Variants in DIP2A observed in about 807,000 individuals in gnomAD.
DIP2A encodes DIP2 acetate--CoA ligase A, also known as disco-interacting protein 2 homolog A.
Under a neutral mutation model 177.4 loss-of-function variants are expected in DIP2A, and 85 were observed. The observed-to-expected ratio is 0.48, with a 90% CI of 0.40 to 0.57. The LOEUF (loss-of-function observed/expected upper bound fraction) is 0.57. DIP2A is among the 20% of genes least tolerant of loss of function. The pLI, the probability that DIP2A is intolerant of heterozygous loss-of-function variation, is 0.00. For missense variants in DIP2A, 1,791 were observed against 2,100.2 expected, an observed-to-expected ratio of 0.85 and a Z score of 2.88; for synonymous variants, 886 against 881.8, an observed-to-expected ratio of 1.00 and a Z score of -0.08.
At chr21:46,470,103 C>T (rs1282071383) in intron 1 of DIP2A, among the ~76,000 whole-genome samples, 1 of 151,986 alleles carries the variant, frequency 6.6e-6, no homozygotes, top group Non-Finnish European at 1.5e-5. Flanking sequence ...TTTGGGAGGC[C>T]AAGGCAGGCG....
rs777519781 is a variant in DIP2A, at chr21:46,551,625, C to T, written c.2840-9C>T. On this transcript the variant is annotated splice_polypyrimidine_tract_variant and intron_variant, in intron 23 of 37. Transcript: ENST00000417564. ...ACCAGCTTTTCATTCAGAGTTCCCC[C>T]GTTTCTAGAGGTTGGACCAGCCTCA... 9.9e-6 allele frequency: 16 copies of T among 1,611,868 alleles called. No individual in the cohort carries two copies. In the South Asian group the frequency reaches 1.2e-4, roughly 12 times the overall value.
At chr21:46,510,879 C>T (rs560543309) in intron 7 of DIP2A, among the ~76,000 whole-genome samples, 3 of 152,242 alleles carry the variant, frequency 2.0e-5, no homozygotes, top group South Asian at 2.1e-4. Context: ...ATGATCCACC[C>T]GCCTCGGCCT....
intron 33 of DIP2A, chr21:46,561,158 A>G: frequency 5.8e-6 from 3 of 513,002 alleles, no homozygotes; most frequent in Non-Finnish European, 8.4e-6. Flanking sequence ...AAGACAAGTA[A>G]CCCATCTACT....
At chr21:46,543,157 A>G (rs1011841192) in intron 18 of DIP2A, among the ~76,000 whole-genome samples, 5 of 151,440 alleles carry the variant, frequency 3.3e-5, no homozygotes, top group African/African-American at 1.2e-4. Flanking sequence ...AACCTGTCGT[A>G]AAATAATTCT....
the DIP2A span, among the ~76,000 whole-genome samples, chr21:46,583,672 A>G: frequency 6.6e-6 from 1 of 152,164 alleles, no homozygotes; most frequent in Non-Finnish European, 1.5e-5. Flanking sequence ...GGTTAATGCC[A>G]TTATCACAGA....
At chr21:46,572,705 G>T (rs975131197), downstream of DIP2A, among the ~76,000 whole-genome samples, 1 of 152,166 alleles carries the variant, frequency 6.6e-6, no homozygotes, top group Non-Finnish European at 1.5e-5. Context: ...GGACTTCTCA[G>T]CTGCTATAAT....
rs372817638 is a variant in DIP2A at position 46,459,243 on chromosome 21, A to T, written c.91+21A>T. 260 of 1,496,680 alleles carry T rather than the reference A, an allele frequency of 1.7e-4. 1 individual carries two copies. In the East Asian group the frequency reaches 5.7e-3, roughly 33 times the overall value. 92.7% of individuals were successfully genotyped at this position (1,496,680 alleles called of 1,614,324 possible). ...GGAAGGTGAGCCGGACCCCGCCCTC[A>T]ACCCCCGCGACCCGCCCTCAGCCCG... On this transcript the variant is annotated intron_variant, in intron 1 of 37. Coordinates refer to ENST00000417564, the MANE Select transcript of DIP2A (RefSeq NM_015151.4).
intron 32 of DIP2A, among the ~76,000 whole-genome samples, chr21:46,560,087 G>A (rs950151548): frequency 6.6e-6 from 1 of 152,238 alleles, no homozygotes; most frequent in African/African-American, 2.4e-5. Flanking sequence ...GGGAGGAAGG[G>A]CTGTGTTTAG....
intron 26 of DIP2A, 75 bp from the exon 27 acceptor site, chr21:46,554,500 C>T (rs993260247): frequency 1.8e-5 from 28 of 1,577,710 alleles, no homozygotes; most frequent in Non-Finnish European, 2.0e-5. Flanking sequence ...CCTCCTCTCT[C>T]GCAGGAACAG....
rs1042276111 is a variant in DIP2A, at chr21:46,506,700, AT to A, written c.784+2222del. ...AAGTATCTGTTCATACTTTTGGCCTATTTTTTTTTTTAATTGTGCTTGTTTT... is the reference window on the plus strand; with the variant it reads ...AAGTATCTGTTCATACTTTTGGCCTATTTTTTTTTTAATTGTGCTTGTTTT... On this transcript the variant is annotated intron_variant, in intron 6 of 37. Coordinates refer to ENST00000417564, the MANE Select transcript of DIP2A (RefSeq NM_015151.4). Among the ~76,000 whole-genome samples the A allele has an allele frequency of 3.7e-3, 298 of 81,030 alleles. 4 individuals are homozygous for A. Among genetic ancestry groups the A allele is most frequent in the African/African-American group, 0.011 (210 of 19,890 alleles). 53.2% of individuals were successfully genotyped at this position (81,030 alleles called of 152,430 possible). A position where few individuals can be genotyped will look rare whatever the true frequency, so the allele number is the denominator to read the frequency against.
At chr21:46,575,324 C>T in the DIP2A span, among the ~76,000 whole-genome samples, 9 of 152,092 alleles carry the variant, frequency 5.9e-5, no homozygotes, top group African/African-American at 2.2e-4. Flanking sequence ...ACATCATACT[C>T]AGTAGTGAAA....
chr21:46,469,673 G>A (rs1555866402), intron 1 of DIP2A, among the ~76,000 whole-genome samples: 1 of 152,208 alleles, frequency 6.6e-6, no homozygotes, highest in Non-Finnish European at 1.5e-5. Flanking sequence ...GAGTCCTGAT[G>A]AGAACTTTGT....
chr21:46,510,871 G>A (rs1276863393), intron 7 of DIP2A, among the ~76,000 whole-genome samples: 2 of 152,060 alleles, frequency 1.3e-5, no homozygotes, highest in Non-Finnish European at 2.9e-5. Context: ...CTGACCTCAT[G>A]ATCCACCCGC....
In DIP2A at chr21:46,556,081, C is replaced by T. The variant is rs200337182; in HGVS notation, c.3488C>T (p.Ala1163Val). ...AGCGTGTCAACCACTGGGATATTAGCGGGAGTGAAGGTAGGTCCTCTGAAA... is the reference window on the plus strand; with the variant it reads ...AGCGTGTCAACCACTGGGATATTAGTGGGAGTGAAGGTAGGTCCTCTGAAA... ...DFSVSTTGILAGVKMSHAATS... is the reference protein window; with the variant it reads ...DFSVSTTGILVGVKMSHAATS... Residue 1163 changes from alanine to valine, a missense_variant, in exon 29 of 38, where the codon GCG becomes GTG. By Grantham distance (64) the Ala-to-Val change is moderately conservative. Transcript: ENST00000417564. This position sits in a 1 kb window ranked among gnomAD's most constrained non-coding sequence, Gnocchi z 4.5. The T allele has an allele frequency of 1.1e-5, 18 of 1,613,470 alleles. No individual in the cohort carries two copies. In the African/African-American group the frequency reaches 2.0e-4, roughly 18 times the overall value.
At chr21:46,478,070 C>G (rs891099067) in intron 1 of DIP2A, among the ~76,000 whole-genome samples, 1 of 152,162 alleles carries the variant, frequency 6.6e-6, no homozygotes, top group Non-Finnish European at 1.5e-5. Context: ...TTAGCACCTG[C>G]TCCATTCTGT....
intron 8 of DIP2A, among the ~76,000 whole-genome samples, chr21:46,519,540 A>T (rs897846216): frequency 6.6e-6 from 1 of 152,136 alleles, no homozygotes; most frequent in Non-Finnish European, 1.5e-5. Context: ...CCTAACTATT[A>T]GGGTCTTTTA....
chr21:46,490,518 T>C lies in DIP2A; in HGVS notation c.164-82T>C. 4 of 1,446,250 alleles carry C rather than the reference T, an allele frequency of 2.8e-6. No individual in the cohort carries two copies. In the South Asian group the frequency reaches 4.2e-5, roughly 15 times the overall value. 89.6% of individuals were successfully genotyped at this position (1,446,250 alleles called of 1,614,324 possible). ...TAGAGGGTATGCAACAGATGAGAAATGTAAGCTGTTTTCAATGGACTTTTT... is the reference window on the plus strand; with the variant it reads ...TAGAGGGTATGCAACAGATGAGAAACGTAAGCTGTTTTCAATGGACTTTTT... On this transcript the variant is annotated intron_variant, in intron 2 of 37. Transcript: ENST00000417564.
At chr21:46,540,393 C>A (rs1262419195) in intron 17 of DIP2A, among the ~76,000 whole-genome samples, 1 of 152,136 alleles carries the variant, frequency 6.6e-6, no homozygotes, top group Non-Finnish European at 1.5e-5. Flanking sequence ...CCCGGCCACC[C>A]ACCTCCCGGG....
At chr21:46,459,335 A>G in intron 1 of DIP2A, 113 bp downstream of exon 1, 3 of 672,992 alleles carry the variant, frequency 4.5e-6, no homozygotes, top group Non-Finnish European at 6.1e-6. Flanking sequence ...CCCGCCCTTC[A>G]CCCCCGGGAC....
Sources: gnomAD v4.1 joint callset for allele counts (sites outside exome capture counted in the v4.1 genomes callset) on GRCh38, gnomAD v4.1.1 for gene constraint, Gnocchi (gnomAD v3.1) non-coding constraint, MANE v1.5 for transcripts, NCBI Gene and HGNC (gene_info 2026-07-23, HGNC 2026-07-21) for gene names.